Variants in TSHZ2 observed in about 807,000 individuals in gnomAD.
TSHZ2 encodes the protein teashirt zinc finger homeobox 2.
A neutral mutation model predicts 74.4 loss-of-function variants in TSHZ2; 21 were observed. The ratio of observed to expected loss-of-function variants is 0.28; its 90% CI spans 0.20 to 0.41. TSHZ2 has a LOEUF of 0.41. Among genes scored for constraint, TSHZ2 ranks in the 10% least tolerant of loss-of-function variants. The pLI is 1.00. For synonymous variants in TSHZ2, 540 were observed against 515.3 expected, an observed-to-expected ratio of 1.05 and a Z score of -0.65; for missense variants, 1,244 against 1,293.5, an observed-to-expected ratio of 0.96 and a Z score of 0.59.
chr20:53,259,138 A>G (rs1007901656), intron 2 of TSHZ2, among the ~76,000 whole-genome samples: 6 of 152,248 alleles, frequency 3.9e-5, no homozygotes, highest in Non-Finnish European at 7.3e-5. Context: ...CTAAATGGTC[A>G]TGAAATGACA....
Position 53,254,168 on chromosome 20 carries a change from C to T in TSHZ2, c.710C>T (p.Thr237Met), listed in dbSNP as rs768300914. ...LVELTVHMNE[T>M]GHYQDDNRKK... ...GAGCTGACTGTGCACATGAATGAAA[C>T]GGGCCACTATCAAGATGACAACCGC... Residue 237 changes from threonine to methionine, a missense_variant, in exon 2 of 3, where the codon ACG becomes ATG. Around this residue, in one of 6 missense-constraint regions of TSHZ2, gnomAD observed 470 missense variants for 456.5 expected, o/e 1.03. Transcript: ENST00000371497. 5 of 1,613,980 alleles carry T rather than the reference C, an allele frequency of 3.1e-6. No individual in the cohort carries two copies. The Admixed American group carries it at 5.0e-5, about 16-fold the overall frequency.
At chr20:53,008,596 A>G (rs1441872623) in intron 1 of TSHZ2, among the ~76,000 whole-genome samples, 4 of 152,042 alleles carry the variant, frequency 2.6e-5, no homozygotes, top group African/African-American at 9.7e-5. Flanking sequence ...TGATACTTAA[A>G]GCATTTTCAA....
intron 1 of TSHZ2, among the ~76,000 whole-genome samples, chr20:53,233,509 G>A (rs2123676525): frequency 6.6e-6 from 1 of 152,296 alleles, no homozygotes. Context: ...GAGAACTGTA[G>A]CATTTTCTCA....
At chr20:53,057,487 G>A (rs1984678114) in intron 1 of TSHZ2, among the ~76,000 whole-genome samples, 1 of 151,902 alleles carries the variant, frequency 6.6e-6, no homozygotes, top group African/African-American at 2.4e-5. Context: ...CCACTTGCCA[G>A]GTTATGTATG....
chr20:53,445,797 G>A (rs561400179), intron 2 of TSHZ2, among the ~76,000 whole-genome samples: 105 of 152,338 alleles, frequency 6.9e-4, no homozygotes, highest in African/African-American at 2.3e-3. Context: ...AAACCCACCA[G>A]GGGAGAGGGA....
At chr20:53,240,541 C>A (rs757841922) in intron 1 of TSHZ2, among the ~76,000 whole-genome samples, 5 of 152,104 alleles carry the variant, frequency 3.3e-5, no homozygotes, top group African/African-American at 4.8e-5. Flanking sequence ...GTGTTAGAAG[C>A]TGCATATAAG....
At chr20:53,072,979 A>C (rs1414286974) in intron 1 of TSHZ2, among the ~76,000 whole-genome samples, 23 of 146,058 alleles carry the variant, frequency 1.6e-4, no homozygotes, top group African/African-American at 5.6e-4. Flanking sequence ...CCCTCCATCC[A>C]TCCCTCCCTT....
chr20:53,346,600 C>G (rs1047926368), intron 2 of TSHZ2, among the ~76,000 whole-genome samples: 1 of 152,200 alleles, frequency 6.6e-6, no homozygotes, highest in African/African-American at 2.4e-5. Flanking sequence ...TCCTGTTGAC[C>G]AAAACCCTAA....
At chr20:53,290,178 T>C (rs1991253349) in intron 2 of TSHZ2, among the ~76,000 whole-genome samples, 1 of 152,054 alleles carries the variant, frequency 6.6e-6, no homozygotes, top group Non-Finnish European at 1.5e-5. Flanking sequence ...CAACAGGACG[T>C]GCTCTCTTCA....
chr20:53,402,936 C>A (rs1420373927), intron 2 of TSHZ2, among the ~76,000 whole-genome samples: 1 of 152,200 alleles, frequency 6.6e-6, no homozygotes, highest in Non-Finnish European at 1.5e-5. Flanking sequence ...AAAACATCAA[C>A]TCCCAAATTT....
chr20:53,077,494 G>A (rs79952005), intron 1 of TSHZ2, among the ~76,000 whole-genome samples: 7 of 152,180 alleles, frequency 4.6e-5, no homozygotes, highest in Non-Finnish European at 8.8e-5. Context: ...TTTGAGAAGG[G>A]AGAGTTAGCA....
At chr20:53,387,921 C>A (rs751453697) in intron 2 of TSHZ2, among the ~76,000 whole-genome samples, 1 of 151,880 alleles carries the variant, frequency 6.6e-6, no homozygotes, top group Non-Finnish European at 1.5e-5. Flanking sequence ...TGGCAGCATG[C>A]GCCTGTAGTC....
At chr20:53,409,462 C>CA (rs57982211) in intron 2 of TSHZ2, among the ~76,000 whole-genome samples, 16,102 of 143,652 alleles carry the variant, frequency 0.11, 2,175 homozygotes, top group African/African-American at 0.32. Flanking sequence ...ATTGCTGTAC[C>CA]AAAAAAAAAA....
intron 2 of TSHZ2, among the ~76,000 whole-genome samples, chr20:53,335,552 G>A (rs200604): frequency 0.52 from 79,787 of 152,042 alleles, 22,337 homozygotes; most frequent in African/African-American, 0.72. Context: ...ACAAACTTCT[G>A]TTAGGAAAAT....
At chr20:53,385,621 G>A (rs758125771) in intron 2 of TSHZ2, among the ~76,000 whole-genome samples, 10 of 152,168 alleles carry the variant, frequency 6.6e-5, no homozygotes, top group Admixed American at 1.3e-4. Context: ...CCCTGGAGAT[G>A]TTTTTAAGGT....
At chr20:53,029,015 C>T (rs1273071966) in intron 1 of TSHZ2, among the ~76,000 whole-genome samples, 1 of 152,160 alleles carries the variant, frequency 6.6e-6, no homozygotes. Flanking sequence ...TAATTGGATA[C>T]TTACAAAGGA....
intron 1 of TSHZ2, among the ~76,000 whole-genome samples, chr20:53,238,835 C>CA (rs1989998535): frequency 1.2e-5 from 1 of 80,822 alleles, no homozygotes; most frequent in Non-Finnish European, 2.3e-5. Flanking sequence ...AATCTTATAT[C>CA]TAAAAAAAAA....
intron 2 of TSHZ2, among the ~76,000 whole-genome samples, chr20:53,333,495 A>G (rs1381914584): frequency 6.7e-6 from 1 of 149,556 alleles, no homozygotes; most frequent in Non-Finnish European, 1.5e-5. Flanking sequence ...TCGCTCTGTC[A>G]CCCAGGCTGG....
chr20:53,294,004 G>A (rs371324375), intron 2 of TSHZ2, among the ~76,000 whole-genome samples: 20 of 152,196 alleles, frequency 1.3e-4, no homozygotes, highest in African/African-American at 4.6e-4. Flanking sequence ...GCGACAGAGC[G>A]AGACTCCATC....
Sources: gnomAD v4.1 joint callset for allele counts (sites outside exome capture counted in the v4.1 genomes callset) on GRCh38, gnomAD v4.1.1 for gene constraint, gnomAD v4.1.1 regional missense constraint, MANE v1.5 for transcripts, NCBI Gene and HGNC (gene_info 2026-07-23, HGNC 2026-07-21) for gene names.